The following FRMD4B variants were observed in gnomAD, a reference collection of about 807,000 sequenced individuals.
The protein encoded by FRMD4B is FERM domain containing 4B, also known as FERM domain-containing protein 4B.
Under a neutral mutation model 141.5 loss-of-function variants are expected in FRMD4B, and 74 were observed. The observed-to-expected ratio is 0.52, with a 90% confidence interval of 0.43 to 0.63. The LOEUF is 0.63. Among genes scored for constraint, FRMD4B ranks in the 30% least tolerant of loss-of-function variants. The pLI, the probability that FRMD4B is intolerant of heterozygous loss-of-function variation, is 0.00. For missense variants in FRMD4B, 1,366 were observed against 1,253.4 expected, an observed-to-expected ratio of 1.09 and a Z score of -1.36; for synonymous variants, 506 against 467.9, an observed-to-expected ratio of 1.08 and a Z score of -1.05.
At chr3:69,345,115 G>T (rs1271201961) in intron 1 of FRMD4B, among the ~76,000 whole-genome samples, 3 of 152,170 alleles carry the variant, frequency 2.0e-5, no homozygotes, top group African/African-American at 7.2e-5. Context: ...GATGGCACCT[G>T]GAAAATCAGG....
At chr3:69,279,343 T>A (rs990275820) in intron 5 of FRMD4B, among the ~76,000 whole-genome samples, 5 of 152,208 alleles carry the variant, frequency 3.3e-5, no homozygotes, top group African/African-American at 9.6e-5. Flanking sequence ...TTGTTTAACC[T>A]ATTTATGCCG....
At chr3:69,314,477 G>C (rs1057169357) in intron 1 of FRMD4B, among the ~76,000 whole-genome samples, 2 of 150,362 alleles carry the variant, frequency 1.3e-5, no homozygotes, top group African/African-American at 4.9e-5. Context: ...GCAGTGAGTT[G>C]AGATCACACC....
intron 12 of FRMD4B, 73 bp from the exon 13 acceptor site, chr3:69,197,111 G>T: frequency 7.8e-7 from 1 of 1,287,884 alleles, no homozygotes; most frequent in Non-Finnish European, 1.1e-6. Context: ...CCTGCGAGCA[G>T]CATTGTAACA....
intron 1 of FRMD4B, among the ~76,000 whole-genome samples, chr3:69,353,075 C>T (rs1458783015): frequency 7.2e-6 from 1 of 139,388 alleles, no homozygotes; most frequent in Non-Finnish European, 1.5e-5. Flanking sequence ...CATAAAGAAA[C>T]TCCAGTATTT....
intron 1 of FRMD4B, among the ~76,000 whole-genome samples, chr3:69,458,071 A>G (rs1317353761): frequency 1.3e-5 from 2 of 152,168 alleles, no homozygotes; most frequent in African/African-American, 4.8e-5. Flanking sequence ...CCTCTCCCAA[A>G]CTAGCTTCCT....
At chr3:69,440,723 G>A (rs552498598) in intron 1 of FRMD4B, among the ~76,000 whole-genome samples, 25 of 152,234 alleles carry the variant, frequency 1.6e-4, no homozygotes, top group African/African-American at 5.5e-4. Context: ...CACAAGAATC[G>A]CTTGAACCTG....
chr3:69,235,414 C>G (rs891734881), intron 7 of FRMD4B, among the ~76,000 whole-genome samples: 3 of 151,878 alleles, frequency 2.0e-5, no homozygotes, highest in African/African-American at 7.3e-5. Context: ...AATCCCAGCA[C>G]TTTGGGAGGC....
chr3:69,324,763 A>C (rs1702123628), intron 1 of FRMD4B, among the ~76,000 whole-genome samples: 1 of 152,204 alleles, frequency 6.6e-6, no homozygotes, highest in Non-Finnish European at 1.5e-5. Context: ...TGCAAAACTC[A>C]CTTCTCTTTA....
intron 1 of FRMD4B, among the ~76,000 whole-genome samples, chr3:69,530,261 G>C (rs1700992578): frequency 6.6e-6 from 1 of 152,222 alleles, no homozygotes; most frequent in Non-Finnish European, 1.5e-5. Flanking sequence ...TGATGTTGGA[G>C]GTGGGTCCTG....
At chr3:69,254,305 C>T (rs934791476) in intron 5 of FRMD4B, among the ~76,000 whole-genome samples, 1 of 151,918 alleles carries the variant, frequency 6.6e-6, no homozygotes, top group African/African-American at 2.4e-5. Flanking sequence ...GATGAGGTTT[C>T]ACCATGTTGG....
intron 11 of FRMD4B, among the ~76,000 whole-genome samples, chr3:69,203,082 AG>A (rs1255474081): frequency 6.7e-6 from 1 of 149,442 alleles, no homozygotes; most frequent in African/African-American, 2.5e-5. Flanking sequence ...CCTAAGATGA[AG>A]TAAAAAAAAA....
rs1179627398 is a variant in FRMD4B, at chr3:69,250,038, C to T, written c.558+5G>A. ...GCTGCTAAGAGGCAGTTTGTCCAAT[C>T]TTACCTGTAAAATAAACGCTGCTAA... On this transcript the variant is annotated splice_donor_5th_base_variant and intron_variant, in intron 6 of 22. Coordinates refer to ENST00000398540, the MANE Select transcript of FRMD4B (RefSeq NM_015123.3). The T allele has an allele frequency of 2.5e-6, 4 of 1,597,032 alleles. No individual in the cohort carries two copies. Among genetic ancestry groups the T allele is most frequent in the Non-Finnish European group, 2.6e-6 (3 of 1,164,312 alleles).
At chr3:69,536,553 T>C in intron 1 of FRMD4B, 1 of 701,098 alleles carries the variant, frequency 1.4e-6, no homozygotes, top group South Asian at 1.5e-5. Context: ...ATAGGGGGGA[T>C]GGTGAGAGGG....
intron 8 of FRMD4B, among the ~76,000 whole-genome samples, chr3:69,222,972 G>A (rs1020395893): frequency 6.6e-6 from 1 of 152,146 alleles, no homozygotes; most frequent in African/African-American, 2.4e-5. Context: ...CAAGTGTTAG[G>A]CATTAAAGAC....
At chr3:69,246,057 G>C (rs150340747) in intron 7 of FRMD4B, among the ~76,000 whole-genome samples, 1 of 151,872 alleles carries the variant, frequency 6.6e-6, no homozygotes, top group East Asian at 2.0e-4. Context: ...GGCTGGTCTC[G>C]AATTCCCGAC....
At chr3:69,414,331 C>T (rs1371946723) in intron 2 of FRMD4B, among the ~76,000 whole-genome samples, 4 of 152,080 alleles carry the variant, frequency 2.6e-5, no homozygotes, top group South Asian at 2.1e-4. Flanking sequence ...ACAGATCAGA[C>T]ATGGGGAAGG....
chr3:69,394,602 C>T (rs566563888), intron 2 of FRMD4B, among the ~76,000 whole-genome samples: 9 of 152,108 alleles, frequency 5.9e-5, no homozygotes, highest in Non-Finnish European at 8.8e-5. Context: ...TGTGGAAGAC[C>T]GCGTGGCAAT....
upstream of FRMD4B, chr3:69,386,231 G>C (rs1347425012): frequency 2.4e-6 from 1 of 413,382 alleles, no homozygotes; most frequent in Non-Finnish European, 4.4e-6. Context: ...ACCCCCGCCC[G>C]CTCGCAGCGC....
intron 11 of FRMD4B, among the ~76,000 whole-genome samples, chr3:69,215,918 C>T (rs780079145): frequency 1.3e-5 from 2 of 151,522 alleles, no homozygotes; most frequent in African/African-American, 2.4e-5. Flanking sequence ...TTTCGGGAGG[C>T]CAAGGTGGGC....
Sources: gnomAD v4.1 joint callset for allele counts (sites outside exome capture counted in the v4.1 genomes callset) on GRCh38, gnomAD v4.1.1 for gene constraint, MANE v1.5 for transcripts, NCBI Gene and HGNC (gene_info 2026-07-23, HGNC 2026-07-21) for gene names.